PSD3: variants seen among roughly 807,000 people sequenced by gnomAD.
The protein encoded by PSD3 is PH and SEC7 domain-containing protein 3.
In PSD3, 49 loss-of-function variants were observed where a neutral mutation model predicts 105.5. The observed-to-expected ratio is 0.46, with a 90% CI of 0.37 to 0.59. The LOEUF (loss-of-function observed/expected upper bound fraction) is 0.59. PSD3 is among the 20% of genes least tolerant of loss of function. The probability of loss-of-function intolerance (pLI) is 0.00; values close to 1 mark genes in which losing one functional copy is unlikely to be tolerated. For missense variants in PSD3, 1,561 were observed against 1,263.8 expected, an observed-to-expected ratio of 1.24 and a Z score of -3.57; for synonymous variants, 557 against 457.8, an observed-to-expected ratio of 1.22 and a Z score of -2.77.
intron 4 of PSD3, among the ~76,000 whole-genome samples, chr8:18,820,307 A>G (rs1812587491): frequency 6.6e-6 from 1 of 151,904 alleles, no homozygotes; most frequent in South Asian, 2.1e-4. Flanking sequence ...TAATAAATTA[A>G]GATACTGACT....
chr8:19,084,308 T>C (rs1829739540), exon 1 of PSD3: 2 of 456,262 alleles, frequency 4.4e-6, no homozygotes, highest in Non-Finnish European at 8.8e-6. Context: ...CTGTGGTACC[T>C]GTGGCCTCCT....
At chr8:18,840,045 T>C (rs1264353515) in intron 4 of PSD3, among the ~76,000 whole-genome samples, 2 of 152,202 alleles carry the variant, frequency 1.3e-5, no homozygotes, top group Non-Finnish European at 2.9e-5. Context: ...TTGTGCTTAG[T>C]AGAAAGTAGT....
chr8:19,050,486 C>A (rs995037105), intron 1 of PSD3, among the ~76,000 whole-genome samples: 1 of 152,182 alleles, frequency 6.6e-6, no homozygotes, highest in East Asian at 1.9e-4. Flanking sequence ...CACATATACA[C>A]CATGGAATAC....
At chr8:18,810,171 A>T (rs1186932935) in intron 4 of PSD3, among the ~76,000 whole-genome samples, 1 of 152,066 alleles carries the variant, frequency 6.6e-6, no homozygotes, top group East Asian at 1.9e-4. Context: ...GTGAACTCTT[A>T]GTGCTATCTT....
At chr8:18,614,856 G>C (rs571412788) in intron 11 of PSD3, among the ~76,000 whole-genome samples, 17 of 151,032 alleles carry the variant, frequency 1.1e-4, no homozygotes, top group African/African-American at 4.1e-4. Context: ...GGCTGGTCTC[G>C]AACTGCTGGG....
At chr8:18,837,602 A>G (rs1814216606) in intron 4 of PSD3, among the ~76,000 whole-genome samples, 1 of 152,086 alleles carries the variant, frequency 6.6e-6, no homozygotes, top group Admixed American at 6.5e-5. Flanking sequence ...CTCACTGGCA[A>G]AAGATGATAA....
At chr8:18,896,633 G>A (rs192560366) in intron 2 of PSD3, among the ~76,000 whole-genome samples, 2 of 151,856 alleles carry the variant, frequency 1.3e-5, no homozygotes, top group African/African-American at 4.8e-5. Context: ...GGCTGGTCTT[G>A]AACTCCTGAG....
At chr8:18,720,410 ATTT>A (rs1282119461) in intron 9 of PSD3, among the ~76,000 whole-genome samples, 1 of 152,156 alleles carries the variant, frequency 6.6e-6, no homozygotes, top group African/African-American at 2.4e-5. Flanking sequence ...AAAGGGTATA[ATTT>A]TATTAAGTCA....
At chr8:18,890,085 G>A (rs946220534) in intron 2 of PSD3, among the ~76,000 whole-genome samples, 1 of 151,936 alleles carries the variant, frequency 6.6e-6, no homozygotes, top group Non-Finnish European at 1.5e-5. Flanking sequence ...GCATGATATC[G>A]AGTTTTATTA....
intron 2 of PSD3, among the ~76,000 whole-genome samples, chr8:18,886,481 C>T (rs895292681): frequency 1.3e-5 from 2 of 151,994 alleles, no homozygotes; most frequent in Non-Finnish European, 2.9e-5. Context: ...CTGGGACGCT[C>T]GAAAGACAAG....
chr8:18,594,029 C>T (rs565511238), intron 12 of PSD3, among the ~76,000 whole-genome samples: 2 of 142,418 alleles, frequency 1.4e-5, no homozygotes, highest in African/African-American at 5.3e-5. Context: ...ATGCAAATGA[C>T]GAGTTAATGG....
At chr8:18,667,961 C>T (rs940305608) in intron 9 of PSD3, among the ~76,000 whole-genome samples, 1 of 152,238 alleles carries the variant, frequency 6.6e-6, no homozygotes, top group African/African-American at 2.4e-5. Context: ...CCAGCGGCAC[C>T]GGCCGGCCGC....
intron 1 of PSD3, among the ~76,000 whole-genome samples, chr8:19,034,851 A>C (rs919407207): frequency 6.6e-6 from 1 of 152,126 alleles, no homozygotes; most frequent in African/African-American, 2.4e-5. Context: ...CCCTCCAGAT[A>C]CGTGAAGATA....
chr8:18,753,330 G>A (rs891356960), intron 9 of PSD3, among the ~76,000 whole-genome samples: 2 of 151,542 alleles, frequency 1.3e-5, no homozygotes, highest in Non-Finnish European at 2.9e-5. Context: ...CTCCAGCCTA[G>A]GGGACAGAGC....
chr8:18,609,094 TTAACA>T (rs1361062427), intron 11 of PSD3, among the ~76,000 whole-genome samples: 1 of 152,216 alleles, frequency 6.6e-6, no homozygotes, highest in Non-Finnish European at 1.5e-5. Context: ...TTGTTTTCAT[TTAACA>T]TATTAATCTT....
At chr8:19,081,695 T>C (rs757914602) in intron 1 of PSD3, among the ~76,000 whole-genome samples, 5 of 152,244 alleles carry the variant, frequency 3.3e-5, no homozygotes, top group Non-Finnish European at 7.3e-5. Context: ...TCTTCATTCC[T>C]TATAATACTT....
chr8:18,967,145 C>A (rs1269231057), intron 1 of PSD3, among the ~76,000 whole-genome samples: 2 of 145,098 alleles, frequency 1.4e-5, no homozygotes, highest in African/African-American at 5.2e-5. Flanking sequence ...TTAGGATTTT[C>A]TTTTTTCTTT....
At chr8:18,878,527 T>C (rs1282468984) in intron 2 of PSD3, among the ~76,000 whole-genome samples, 3 of 152,198 alleles carry the variant, frequency 2.0e-5, no homozygotes, top group South Asian at 2.1e-4. Flanking sequence ...TAATACACAC[T>C]GGAAATAAGC....
intron 9 of PSD3, among the ~76,000 whole-genome samples, chr8:18,660,175 T>C (rs1420841105): frequency 2.0e-5 from 3 of 152,102 alleles, no homozygotes; most frequent in African/African-American, 4.8e-5. Context: ...CAATCACAAG[T>C]GTCTTTATAG....
Sources: allele counts gnomAD v4.1 joint callset (sites outside exome capture counted in the v4.1 genomes callset), GRCh38; gene constraint gnomAD v4.1.1; transcripts MANE v1.5; gene names NCBI Gene and HGNC (gene_info 2026-07-23, HGNC 2026-07-21).